Variants in RYR2 observed in about 807,000 individuals in gnomAD.
RYR2 encodes the protein cardiac muscle ryanodine receptor-calcium release channel.
In RYR2, 227 loss-of-function variants were observed where a neutral mutation model predicts 601.1. That is an observed-to-expected ratio of 0.38 (90% confidence interval 0.34 to 0.42). The LOEUF (loss-of-function observed/expected upper bound fraction) is 0.42, where lower values mean the gene tolerates loss of function less well. Among genes scored for constraint, RYR2 ranks in the 10% least tolerant of loss-of-function variants. RYR2 has a pLI of 1.00. For missense variants in RYR2, 4,646 were observed against 6,156.5 expected, an observed-to-expected ratio of 0.75 and a Z score of 8.21; for synonymous variants, 2,223 against 2,175.1, an observed-to-expected ratio of 1.02 and a Z score of -0.61.
chr1:237,678,238 T>C (rs1685571300), intron 61 of RYR2, 126 bp downstream of exon 61: 1 of 604,820 alleles, frequency 1.7e-6, no homozygotes, highest in East Asian at 2.8e-5. Flanking sequence ...GTAAATATTC[T>C]GTGGCATGAA....
chr1:237,153,988 C>T (rs1008652465), intron 1 of RYR2, among the ~76,000 whole-genome samples: 5 of 152,092 alleles, frequency 3.3e-5, no homozygotes, highest in South Asian at 4.1e-4. Context: ...GGTGGATGAC[C>T]TTGGGAAGCA....
rs548465188 is a variant in RYR2 at position 237,756,394 on chromosome 1, T to G, written c.11245+7T>G. ...ACAATCAGTGCCAGCAAAGGTAAGG[T>G]TCCTTGAGTTCCCCTCACGAGTGTC... On this transcript the variant is annotated splice_region_variant and intron_variant, in intron 81 of 104. Coordinates refer to ENST00000366574, the MANE Select transcript of RYR2 (RefSeq NM_001035.3). 32 of 1,580,976 alleles carry G rather than the reference T, an allele frequency of 2.0e-5. No individual in the cohort carries two copies. In the South Asian group the frequency reaches 2.9e-4, roughly 14 times the overall value.
chr1:237,092,134 T>A (rs1667021000), intron 1 of RYR2, among the ~76,000 whole-genome samples: 3 of 152,136 alleles, frequency 2.0e-5, no homozygotes, highest in Admixed American at 1.3e-4. Context: ...AGGGAAAGCA[T>A]GTTGAGAGAA....
At chr1:237,123,227 A>G (rs1671006784) in intron 1 of RYR2, among the ~76,000 whole-genome samples, 1 of 152,192 alleles carries the variant, frequency 6.6e-6, no homozygotes, top group African/African-American at 2.4e-5. Context: ...TCAGGAAACA[A>G]TACTTACCCT....
intron 17 of RYR2, among the ~76,000 whole-genome samples, chr1:237,478,614 T>C (rs888222280): frequency 2.6e-5 from 4 of 152,218 alleles, no homozygotes; most frequent in Non-Finnish European, 5.9e-5. Context: ...CAAGTTTTAC[T>C]ATGTTTTGGA....
chr1:237,539,470 CG>C (rs1669020405), intron 25 of RYR2, among the ~76,000 whole-genome samples: 1 of 152,320 alleles, frequency 6.6e-6, no homozygotes, highest in South Asian at 2.1e-4. Flanking sequence ...TTTTGATAAT[CG>C]GTCAAGTTCA....
At chr1:237,294,785 T>C (rs553417157) in intron 2 of RYR2, among the ~76,000 whole-genome samples, 1 of 152,278 alleles carries the variant, frequency 6.6e-6, no homozygotes. Flanking sequence ...CCACAGGTAT[T>C]GGGGATTGCA....
intron 1 of RYR2, among the ~76,000 whole-genome samples, chr1:237,238,249 G>A (rs938891734): frequency 2.6e-5 from 4 of 152,078 alleles, no homozygotes; most frequent in Non-Finnish European, 4.4e-5. Context: ...GGGATTACAG[G>A]CGTGAGCCAC....
At chr1:237,362,774 A>G (rs1340858517) in intron 4 of RYR2, among the ~76,000 whole-genome samples, 2 of 152,314 alleles carry the variant, frequency 1.3e-5, no homozygotes, top group Admixed American at 6.5e-5. Flanking sequence ...GTTCTTGATT[A>G]TCTTTTGAAA....
intron 99 of RYR2, among the ~76,000 whole-genome samples, chr1:237,806,781 G>A (rs915082000): frequency 3.9e-5 from 6 of 152,162 alleles, no homozygotes; most frequent in African/African-American, 1.4e-4. Context: ...GAGCAAAAAG[G>A]ATAACGTTTC....
In RYR2 at chr1:237,817,437, TA is replaced by T. The variant is rs60377149; in HGVS notation, c.14434-1598del. On this transcript the variant is annotated intron_variant, in intron 100 of 104. Transcript: ENST00000366574. ...TCATCCCACAAATGATTTGAGGACT[TA>T]CCATGTGCTGGACGTTATTTTAGGC... Among the ~76,000 whole-genome samples, 356 of 152,276 alleles carry T rather than the reference TA, an allele frequency of 2.3e-3. 1 individual carries two copies. Among genetic ancestry groups the T allele is most frequent in the African/African-American group, 8.1e-3 (336 of 41,550 alleles).
In RYR2 at chr1:237,631,872, C is replaced by G. The variant is rs532536690; in HGVS notation, c.6555+331C>G. Among the ~76,000 whole-genome samples, 2,236 of 53,380 alleles carry G rather than the reference C, an allele frequency of 0.042. 101 individuals carry two copies. The highest frequency in any genetic ancestry group is 0.21 in the East Asian group (882 of 4,196). 35.0% of individuals were successfully genotyped at this position (53,380 alleles called of 152,430 possible). The stretch of plus-strand genomic sequence containing the variant: ...CTCGATCTCCTGACCTCGTGATCCG[C>G]CCGCCTTGGCCTCCCCTCCCGAAGT... On this transcript the variant is annotated intron_variant, in intron 42 of 104. Coordinates refer to ENST00000366574, the MANE Select transcript of RYR2 (RefSeq NM_001035.3).
intron 8 of RYR2, among the ~76,000 whole-genome samples, chr1:237,380,818 C>G (rs774804426): frequency 2.6e-5 from 4 of 152,140 alleles, no homozygotes; most frequent in South Asian, 4.2e-4. Context: ...TGGCTCATGC[C>G]TGTAATCCCA....
chr1:237,609,165 T>C (rs1677513770), intron 35 of RYR2, among the ~76,000 whole-genome samples: 1 of 114,328 alleles, frequency 8.7e-6, no homozygotes, highest in Admixed American at 1.0e-4. Context: ...TCTTTCTCTC[T>C]CCTTCCCTCC....
intron 41 of RYR2, 73 bp downstream of exon 41, chr1:237,628,153 T>TTAACTACATTGTACTGTAGTAC: frequency 6.2e-6 from 9 of 1,458,470 alleles, no homozygotes; most frequent in Non-Finnish European, 7.5e-6. Context: ...GAGCAGTACA[T>TTAACTACATTGTACTGTAGTAC]TAACTACATT....
intron 1 of RYR2, among the ~76,000 whole-genome samples, chr1:237,052,701 G>T (rs1661433368): frequency 1.3e-5 from 2 of 151,922 alleles, no homozygotes; most frequent in Non-Finnish European, 2.9e-5. Flanking sequence ...GCAAGAACAG[G>T]GTTTTTTTTT....
At chr1:237,536,269 T>G (rs189330161) in intron 25 of RYR2, among the ~76,000 whole-genome samples, 168 of 152,328 alleles carry the variant, frequency 1.1e-3, no homozygotes, top group African/African-American at 3.9e-3. Flanking sequence ...TAATCTGAAA[T>G]ATGCACTTGC....
intron 73 of RYR2, 31 bp downstream of exon 73, chr1:237,718,552 T>C: frequency 8.5e-7 from 1 of 1,170,936 alleles, no homozygotes; most frequent in South Asian, 1.2e-5. Context: ...AAGCCACATT[T>C]ACTACCTATA....
rs190967980 is a variant in RYR2 at position 237,557,202 on chromosome 1, A to G, written c.3214+6511A>G. 1.9e-3 allele frequency among the ~76,000 whole-genome samples: 294 copies of G among 152,322 alleles called. 1 individual carries two copies. The highest frequency in any genetic ancestry group is 6.7e-3 in the African/African-American group (278 of 41,570). ...TTCATAGAGATGCTCGAGTGCCTTCACATGGAAGCTGACTTCCCCCAGAAT... is the reference window on the plus strand; with the variant it reads ...TTCATAGAGATGCTCGAGTGCCTTCGCATGGAAGCTGACTTCCCCCAGAAT... On this transcript the variant is annotated intron_variant, in intron 27 of 104. Coordinates refer to ENST00000366574, the MANE Select transcript of RYR2 (RefSeq NM_001035.3).
Sources: allele counts gnomAD v4.1 joint callset (sites outside exome capture counted in the v4.1 genomes callset), GRCh38; gene constraint gnomAD v4.1.1; transcripts MANE v1.5; gene names NCBI Gene and HGNC (gene_info 2026-07-23, HGNC 2026-07-21).